SYN3: variants seen among roughly 807,000 people sequenced by gnomAD.
SYN3 encodes synapsin-3.
SYN3 carries 35 observed loss-of-function variants against 65.8 expected under a neutral mutation model. The observed-to-expected ratio is 0.53, with a 90% confidence interval of 0.41 to 0.70. SYN3 has a LOEUF of 0.70. Ranked by LOEUF, SYN3 falls within the 30% of genes least tolerant of loss-of-function variation. The probability of loss-of-function intolerance (pLI) is 0.00; values close to 1 mark genes in which losing one functional copy is unlikely to be tolerated. For synonymous variants in SYN3, 270 were observed against 292.9 expected, an observed-to-expected ratio of 0.92 and a Z score of 0.80; for missense variants, 680 against 749.0, an observed-to-expected ratio of 0.91 and a Z score of 1.08.
At chr22:32,757,269 T>A (rs916930111) in intron 6 of SYN3, among the ~76,000 whole-genome samples, 1 of 150,398 alleles carries the variant, frequency 6.6e-6, no homozygotes, top group African/African-American at 2.5e-5. Context: ...AAGATTGCCA[T>A]CTGGACACTT....
chr22:32,826,398 T>C (rs2047414069), intron 6 of SYN3, among the ~76,000 whole-genome samples: 1 of 152,030 alleles, frequency 6.6e-6, no homozygotes, highest in African/African-American at 2.4e-5. Flanking sequence ...CACTGCACTA[T>C]AGCTTGGGAG....
intron 6 of SYN3, among the ~76,000 whole-genome samples, chr22:32,864,078 G>A (rs2048621208): frequency 6.6e-6 from 1 of 152,108 alleles, no homozygotes; most frequent in Non-Finnish European, 1.5e-5. Flanking sequence ...TCTCCAAACA[G>A]GACTGTCTAG....
intron 2 of SYN3, among the ~76,000 whole-genome samples, chr22:33,004,190 TG>T (rs1303292693): frequency 6.6e-6 from 1 of 152,210 alleles, no homozygotes; most frequent in Non-Finnish European, 1.5e-5. Flanking sequence ...AATGTGGGGT[TG>T]GAGCCCCCAC....
intron 6 of SYN3, among the ~76,000 whole-genome samples, chr22:32,713,987 G>A (rs1185590774): frequency 6.6e-6 from 1 of 152,200 alleles, no homozygotes; most frequent in Non-Finnish European, 1.5e-5. Context: ...GAAGGAGGGA[G>A]GATTCTTTCC....
chr22:32,857,438 AG>A (rs1264323344), intron 6 of SYN3: 4 of 1,051,436 alleles, frequency 3.8e-6, no homozygotes, highest in Non-Finnish European at 6.0e-6. Context: ...ACACATACGG[AG>A]TAGTTGACTC....
intron 6 of SYN3, among the ~76,000 whole-genome samples, chr22:32,762,926 AC>A (rs150136903): frequency 0.036 from 5,420 of 152,234 alleles, 318 homozygotes; most frequent in African/African-American, 0.12. Flanking sequence ...TACTTTCATT[AC>A]TCTAGACACT....
intron 6 of SYN3, among the ~76,000 whole-genome samples, chr22:32,604,328 G>A (rs1369711933): frequency 5.3e-5 from 8 of 152,160 alleles, no homozygotes; most frequent in Non-Finnish European, 8.8e-5. Flanking sequence ...TCTCCCCCAT[G>A]TCTTCTGTTT....
rs149350000 is a variant in SYN3 at position 32,635,952 on chromosome 22, C to T, written c.712-39216G>A. Among the ~76,000 whole-genome samples the T allele has an allele frequency of 2.0e-5, 3 of 152,290 alleles. No individual in the cohort carries two copies. The East Asian group carries it at 5.8e-4, about 29-fold the overall frequency. ...TAGGCAGCTGCTCATTGGAACAAAA[C>T]AAGATTTTTTGAACTTGAAACTCTA... is the stretch of plus-strand genomic sequence containing the variant. On this transcript the variant is annotated intron_variant, in intron 6 of 13. Transcript: ENST00000358763.
At chr22:32,601,281 T>C (rs200653084) in intron 6 of SYN3, among the ~76,000 whole-genome samples, 16 of 148,064 alleles carry the variant, frequency 1.1e-4, no homozygotes, top group African/African-American at 3.5e-4. Flanking sequence ...TTTTTTTCTT[T>C]CTTTTTTTTT....
In SYN3 at chr22:33,049,533, C is replaced by A. The variant is rs192185621; in HGVS notation, c.-163+8759G>T. On this transcript the variant is annotated intron_variant, in intron 1 of 13. Coordinates refer to ENST00000358763, the MANE Select transcript of SYN3 (RefSeq NM_003490.4). ...AAAAGGGTCAAGTATCTGCACTGTG[C>A]TTTTTAATAACCACGGGATGGTTTT... 1.4e-4 allele frequency among the ~76,000 whole-genome samples: 22 copies of A among 152,294 alleles called. No individual in the cohort carries two copies. In the East Asian group the frequency reaches 4.2e-3, roughly 29 times the overall value.
intron 7 of SYN3, among the ~76,000 whole-genome samples, chr22:32,546,187 TCC>T (rs1166118890): frequency 6.6e-6 from 1 of 152,176 alleles, no homozygotes; most frequent in Non-Finnish European, 1.5e-5. Flanking sequence ...CATTTCTGTC[TCC>T]CCATTAGACT....
intron 6 of SYN3, among the ~76,000 whole-genome samples, chr22:32,780,026 G>C (rs2145821823): frequency 7.4e-6 from 1 of 135,242 alleles, no homozygotes; most frequent in East Asian, 2.3e-4. Context: ...CTGAGATTGC[G>C]CCACTGCACT....
At chr22:32,604,522 CTCA>C (rs2059336269) in intron 6 of SYN3, among the ~76,000 whole-genome samples, 1 of 109,748 alleles carries the variant, frequency 9.1e-6, no homozygotes, top group Non-Finnish European at 1.9e-5. Flanking sequence ...CCGTCTCATA[CTCA>C]TGTCTCCGCT....
chr22:32,693,902 G>A (rs2060701511), intron 6 of SYN3, among the ~76,000 whole-genome samples: 1 of 151,818 alleles, frequency 6.6e-6, no homozygotes, highest in Admixed American at 6.6e-5. Context: ...TACTTTTATT[G>A]AACATCTTTA....
intron 7 of SYN3, among the ~76,000 whole-genome samples, chr22:32,569,673 T>A (rs1298773655): frequency 6.6e-6 from 1 of 151,972 alleles, no homozygotes; most frequent in Admixed American, 6.6e-5. Context: ...AAATGGAAGG[T>A]ATGGCTTTGA....
At chr22:32,526,814 C>A (rs968706067) in intron 12 of SYN3, among the ~76,000 whole-genome samples, 4 of 152,120 alleles carry the variant, frequency 2.6e-5, no homozygotes, top group Non-Finnish European at 5.9e-5. Context: ...CTACCGCGCC[C>A]GGCCTCTGAT....
intron 1 of SYN3, among the ~76,000 whole-genome samples, chr22:33,033,778 C>T (rs1042836580): frequency 1.3e-5 from 2 of 152,228 alleles, no homozygotes; most frequent in Non-Finnish European, 2.9e-5. Flanking sequence ...GATTAGCCAA[C>T]GGGGAGACTA....
chr22:32,844,205 G>T (rs981237693), intron 6 of SYN3, among the ~76,000 whole-genome samples: 1 of 152,144 alleles, frequency 6.6e-6, no homozygotes, highest in Non-Finnish European at 1.5e-5. Context: ...ATGGTTGGAT[G>T]GGGGATAGAA....
intron 6 of SYN3, among the ~76,000 whole-genome samples, chr22:32,600,674 T>C (rs1434624346): frequency 1.4e-5 from 2 of 145,378 alleles, no homozygotes; most frequent in South Asian, 2.2e-4. Flanking sequence ...GAAGGATTTA[T>C]TTTATGCAAC....
Sources: allele counts gnomAD v4.1 joint callset (sites outside exome capture counted in the v4.1 genomes callset), GRCh38; gene constraint gnomAD v4.1.1; transcripts MANE v1.5; gene names NCBI Gene and HGNC (gene_info 2026-07-23, HGNC 2026-07-21).